DNAH14: variants seen among roughly 807,000 people sequenced by gnomAD.
DNAH14 encodes the protein dynein axonemal heavy chain 14, also known as axonemal beta dynein heavy chain 14.
In DNAH14, 478 loss-of-function variants were observed where a neutral mutation model predicts 520.9. The ratio of observed to expected loss-of-function variants is 0.92; its 90% CI spans 0.85 to 0.99. DNAH14 has a LOEUF of 0.99. Among genes scored for constraint, DNAH14 ranks in the 50% least tolerant of loss-of-function variants. The pLI is 0.00. For missense variants in DNAH14, 4,831 were observed against 5,234.5 expected (o/e 0.92, Z 2.38); for synonymous variants, 1,581 against 1,757.2 (o/e 0.90, Z 2.51).
chr1:225,060,366 A>G (rs1438215656), intron 17 of DNAH14, among the ~76,000 whole-genome samples: 1 of 151,858 alleles, frequency 6.6e-6, no homozygotes, highest in Non-Finnish European at 1.5e-5. Flanking sequence ...CAGCTCCATC[A>G]TGTCCTTTAA....
rs1407620067 is a variant in DNAH14 at position 225,270,707 on chromosome 1, T to G, written c.7540-28T>G. ...CTTCACTTCCTACAGATACATTCAG[T>G]TACTCTTCCTTTTTATCCTTATCAC... is the stretch of plus-strand genomic sequence containing the variant. On this transcript the variant is annotated intron_variant, in intron 49 of 85. Transcript: ENST00000682510. 5 of 1,546,016 alleles carry G rather than the reference T, an allele frequency of 3.2e-6. No homozygotes were observed. The African/African-American group carries it at 4.1e-5, about 13-fold the overall frequency.
At chr1:225,316,180 G>A (rs1032059932) in intron 60 of DNAH14, among the ~76,000 whole-genome samples, 2 of 152,202 alleles carry the variant, frequency 1.3e-5, no homozygotes, top group Non-Finnish European at 2.9e-5. Context: ...TCAAGCCTCA[G>A]TAATGGTGGA....
intron 46 of DNAH14, among the ~76,000 whole-genome samples, chr1:225,263,386 T>A (rs1039543660): frequency 9.2e-5 from 14 of 151,810 alleles, no homozygotes; most frequent in Admixed American, 4.6e-4. Flanking sequence ...ACGCAGTTAT[T>A]CAAGCCTGAG....
chr1:225,317,846 T>G (rs746652982), intron 60 of DNAH14, among the ~76,000 whole-genome samples: 7 of 152,190 alleles, frequency 4.6e-5, no homozygotes, highest in Non-Finnish European at 8.8e-5. Context: ...CCAGATCCTA[T>G]AGGACAAGTT....
At chr1:225,080,330 G>A (rs748196904) in intron 18 of DNAH14, 49 bp from the exon 19 acceptor site, 39 of 1,475,926 alleles carry the variant, frequency 2.6e-5, no homozygotes, top group African/African-American at 1.4e-4. Context: ...AAAACAGTAC[G>A]TTCTAGACAT....
chr1:225,361,314 C>T (rs1655732295), intron 75 of DNAH14, among the ~76,000 whole-genome samples: 1 of 152,178 alleles, frequency 6.6e-6, no homozygotes, highest in South Asian at 2.1e-4. Context: ...TCTATTCTGA[C>T]TTTCTCTAGC....
intron 55 of DNAH14, among the ~76,000 whole-genome samples, chr1:225,300,513 A>T (rs992784008): frequency 1.3e-5 from 2 of 152,144 alleles, no homozygotes; most frequent in African/African-American, 4.8e-5. Flanking sequence ...AGCCCAGACA[A>T]CATAGAGAGG....
rs552190490 is a variant in DNAH14, at chr1:225,101,326, C to T, written c.3867+442C>T. Among the ~76,000 whole-genome samples the T allele has an allele frequency of 9.2e-5, 14 of 151,764 alleles. 1 individual carries two copies. The highest frequency in any genetic ancestry group is 8.3e-4 in the South Asian group (4 of 4,818). On this transcript the variant is annotated intron_variant, in intron 23 of 85. Transcript: ENST00000682510. ...ATAATCACATCAAGGTAAACGTATC[C>T]GTAGCCTCAAGCACTTATCCTTTGT...
At chr1:224,937,842 A>G (rs2059141579) in intron 1 of DNAH14, among the ~76,000 whole-genome samples, 1 of 152,122 alleles carries the variant, frequency 6.6e-6, no homozygotes, top group Admixed American at 6.6e-5. Flanking sequence ...ATACTGGCAT[A>G]AAAACAGATC....
chr1:224,936,638 A>T (rs1272528390), intron 1 of DNAH14, among the ~76,000 whole-genome samples: 3 of 151,892 alleles, frequency 2.0e-5, no homozygotes, highest in African/African-American at 7.2e-5. Flanking sequence ...TCTACCAAAC[A>T]TTTAAAGAAT....
chr1:225,102,617 A>T (rs988565253), intron 23 of DNAH14, among the ~76,000 whole-genome samples: 6 of 152,094 alleles, frequency 3.9e-5, no homozygotes, highest in Non-Finnish European at 5.9e-5. Context: ...ATTGTGGTTT[A>T]GATTTGCATT....
At position 225,090,572 on chromosome 1, in the gene DNAH14, G is replaced by A. The variant is rs376431420; in HGVS notation, c.3573+4783G>A. On this transcript the variant is annotated intron_variant, in intron 21 of 85. Transcript: ENST00000682510. ...AGAGTACAGAAATAGACCCACATAC[G>A]TATGGACAACTGATTTTCAACAAAT... 1.4e-3 allele frequency among the ~76,000 whole-genome samples: 210 copies of A among 152,154 alleles called. 8 individuals carry two copies. In the South Asian group the frequency reaches 0.041, roughly 30 times the overall value.
intron 60 of DNAH14, among the ~76,000 whole-genome samples, chr1:225,315,230 G>A (rs373242962): frequency 2.3e-4 from 35 of 150,856 alleles, no homozygotes; most frequent in African/African-American, 7.8e-4. Flanking sequence ...TGATTGATTC[G>A]GCTACTGATA....
At chr1:225,237,079 A>G (rs140704688) in intron 42 of DNAH14, among the ~76,000 whole-genome samples, 1 of 152,056 alleles carries the variant, frequency 6.6e-6, no homozygotes, top group Non-Finnish European at 1.5e-5. Flanking sequence ...TTTTCAGCCT[A>G]TGTGTGTCTT....
chr1:225,220,430 C>G (rs944599071), intron 41 of DNAH14, among the ~76,000 whole-genome samples: 5 of 152,194 alleles, frequency 3.3e-5, no homozygotes, highest in Non-Finnish European at 5.9e-5. Flanking sequence ...CCCTAAAACT[C>G]TTAAGCTGAT....
chr1:224,946,288 G>A (rs1046936480), intron 1 of DNAH14, among the ~76,000 whole-genome samples: 7 of 151,946 alleles, frequency 4.6e-5, no homozygotes, highest in South Asian at 2.1e-4. Flanking sequence ...AGGACCCTCC[G>A]AGCCAGACAT....
At chr1:225,124,922 AC>A (rs1364438744) in intron 27 of DNAH14, among the ~76,000 whole-genome samples, 1 of 152,212 alleles carries the variant, frequency 6.6e-6, no homozygotes, top group Non-Finnish European at 1.5e-5. Flanking sequence ...CCCATGGGCT[AC>A]AGAATGGATG....
At chr1:225,108,194 T>G (rs540686342) in intron 23 of DNAH14, among the ~76,000 whole-genome samples, 5 of 152,264 alleles carry the variant, frequency 3.3e-5, no homozygotes, top group Admixed American at 6.5e-5. Flanking sequence ...CCCTTGAACA[T>G]CAGACTCCAA....
intron 27 of DNAH14, among the ~76,000 whole-genome samples, chr1:225,129,491 C>T (rs1344839646): frequency 1.3e-5 from 2 of 151,924 alleles, no homozygotes; most frequent in African/African-American, 4.8e-5. Flanking sequence ...TGGAACAGAA[C>T]AGAGCCCTCA....
Sources: allele counts gnomAD v4.1 joint callset (sites outside exome capture counted in the v4.1 genomes callset), GRCh38; gene constraint gnomAD v4.1.1; transcripts MANE v1.5; gene names NCBI Gene and HGNC (gene_info 2026-07-23, HGNC 2026-07-21).